SAMMSON: variants seen among roughly 807,000 people sequenced by gnomAD.
SAMMSON encodes survival associated mitochondrial melanoma specific oncogenic non-coding RNA.
chr3:70,161,343 C>G (rs1208055467), intron 4 of SAMMSON, among the ~76,000 whole-genome samples: 3 of 151,916 alleles, frequency 2.0e-5, no homozygotes, highest in Non-Finnish European at 2.9e-5. Flanking sequence ...TAAGGAAATT[C>G]CTGCCTATTC....
intron 4 of SAMMSON, among the ~76,000 whole-genome samples, chr3:70,112,005 T>A (rs532305543): frequency 6.6e-6 from 1 of 152,068 alleles, no homozygotes; most frequent in Non-Finnish European, 1.5e-5. Context: ...AAGGAAAGAA[T>A]AGAATGAATG....
At chr3:70,343,661 T>C (rs147951067) in intron 7 of SAMMSON, among the ~76,000 whole-genome samples, 3 of 152,100 alleles carry the variant, frequency 2.0e-5, no homozygotes, top group Non-Finnish European at 4.4e-5. Context: ...AAGTTTCCAT[T>C]GTAAAATTAT....
chr3:70,004,244 TG>T lies in SAMMSON; in HGVS notation n.22+4380del, dbSNP rs771216718. Among the ~76,000 whole-genome samples, 17 of 152,066 alleles carry T rather than the reference TG, an allele frequency of 1.1e-4. 1 individual carries two copies. Among genetic ancestry groups the T allele is most frequent in the African/African-American group, 4.8e-5 (2 of 41,398 alleles). Reference sequence around the variant, plus strand: ...AAGTTAGTAAGTTGCCCACATAGAGTGGGCAGACATTTTGTTAACAACACCA... The same window carrying T: ...AAGTTAGTAAGTTGCCCACATAGAGTGGCAGACATTTTGTTAACAACACCA... On this transcript the variant is annotated intron_variant and non_coding_transcript_variant, in intron 1 of 9. Coordinates refer to ENST00000642114, the Ensembl canonical transcript of SAMMSON.
intron 2 of SAMMSON, among the ~76,000 whole-genome samples, chr3:70,412,510 A>C (rs1311799560): frequency 6.6e-6 from 1 of 152,212 alleles, no homozygotes; most frequent in Non-Finnish European, 1.5e-5. Flanking sequence ...TGCTTTGCTC[A>C]CAGGATATCG....
At chr3:70,165,483 G>A (rs2067633223) in intron 4 of SAMMSON, among the ~76,000 whole-genome samples, 1 of 151,920 alleles carries the variant, frequency 6.6e-6, no homozygotes, top group Admixed American at 6.6e-5. Context: ...AACCAGATGA[G>A]CAGCGCACCC....
intron 2 of SAMMSON, among the ~76,000 whole-genome samples, chr3:70,414,648 A>G (rs902665366): frequency 3.3e-5 from 5 of 152,130 alleles, no homozygotes; most frequent in East Asian, 1.9e-4. Context: ...TAGAGACCAT[A>G]TGAACATTAG....
chr3:70,134,211 G>T (rs1359471937), intron 4 of SAMMSON, among the ~76,000 whole-genome samples: 1 of 150,744 alleles, frequency 6.6e-6, no homozygotes, highest in East Asian at 1.9e-4. Flanking sequence ...AGTGAGCCGA[G>T]ATTGTGCCAC....
intron 3 of SAMMSON, among the ~76,000 whole-genome samples, chr3:70,017,555 C>T (rs1188329187): frequency 6.6e-6 from 1 of 152,100 alleles, no homozygotes; most frequent in African/African-American, 2.4e-5. Flanking sequence ...TTCCTCTTTT[C>T]CTAATTGACT....
chr3:70,383,019 T>C (rs1703086271), intron 9 of SAMMSON, among the ~76,000 whole-genome samples: 2 of 152,156 alleles, frequency 1.3e-5, no homozygotes, highest in Non-Finnish European at 2.9e-5. Context: ...TGTCTTTTCT[T>C]ATTCTATTCA....
intron 7 of SAMMSON, among the ~76,000 whole-genome samples, chr3:70,316,202 T>C (rs566033140): frequency 6.6e-6 from 1 of 152,156 alleles, no homozygotes; most frequent in Non-Finnish European, 1.5e-5. Flanking sequence ...ATGTTCCTTT[T>C]CCTGTTAAAA....
chr3:70,012,948 A>G (rs1389419543), intron 2 of SAMMSON, among the ~76,000 whole-genome samples: 1 of 152,160 alleles, frequency 6.6e-6, no homozygotes, highest in Non-Finnish European at 1.5e-5. Flanking sequence ...AGGCTGAGTA[A>G]AGAAGATAAC....
chr3:70,432,156 C>T (rs924529415), intron 2 of SAMMSON, among the ~76,000 whole-genome samples: 5 of 151,818 alleles, frequency 3.3e-5, no homozygotes, highest in Admixed American at 6.6e-5. Context: ...TTTACATTTC[C>T]ACCAGCAATG....
intron 6 of SAMMSON, among the ~76,000 whole-genome samples, chr3:70,276,002 A>C (rs1015520398): frequency 3.3e-5 from 5 of 152,154 alleles, no homozygotes; most frequent in Admixed American, 2.6e-4. Context: ...CCCCACAATA[A>C]ACTTTTAAAA....
At chr3:70,304,492 TTC>T (rs1188082324) in intron 7 of SAMMSON, among the ~76,000 whole-genome samples, 1 of 152,158 alleles carries the variant, frequency 6.6e-6, no homozygotes, top group East Asian at 1.9e-4. Flanking sequence ...TCTAGCCAAT[TTC>T]TCTCTCTCAC....
At chr3:70,105,977 G>A (rs1208203906) in intron 4 of SAMMSON, among the ~76,000 whole-genome samples, 1 of 152,030 alleles carries the variant, frequency 6.6e-6, no homozygotes, top group African/African-American at 2.4e-5. Flanking sequence ...CAACGATATA[G>A]TTGGTGCTCC....
chr3:70,425,677 G>T (rs944037723), intron 2 of SAMMSON, among the ~76,000 whole-genome samples: 3 of 151,980 alleles, frequency 2.0e-5, no homozygotes, highest in African/African-American at 7.3e-5. Flanking sequence ...AAAGTGCTGG[G>T]ATTACAGGCA....
intron 4 of SAMMSON, among the ~76,000 whole-genome samples, chr3:70,150,057 G>C (rs4453806): frequency 0.12 from 18,664 of 151,690 alleles, 1,186 homozygotes; most frequent in South Asian, 0.22. Context: ...ATTGTCTCGT[G>C]GTGCTTGCCA....
At chr3:70,382,941 T>G (rs1575637970) in intron 9 of SAMMSON, among the ~76,000 whole-genome samples, 1 of 152,150 alleles carries the variant, frequency 6.6e-6, no homozygotes, top group Admixed American at 6.6e-5. Context: ...TTCTCAGGTT[T>G]GGAAGATAAA....
At chr3:70,427,768 T>C (rs960488348) in intron 2 of SAMMSON, among the ~76,000 whole-genome samples, 6 of 150,526 alleles carry the variant, frequency 4.0e-5, no homozygotes, top group African/African-American at 1.5e-4. Flanking sequence ...GTCCAAAAGA[T>C]CTCTCTAATT....
Sources: allele counts gnomAD v4.1 joint callset (sites outside exome capture counted in the v4.1 genomes callset), GRCh38; gene constraint gnomAD v4.1.1; transcripts MANE v1.5; gene names NCBI Gene and HGNC (gene_info 2026-07-23, HGNC 2026-07-21).